Variants in TAS1R2 observed in about 807,000 individuals in gnomAD.
TAS1R2 encodes taste receptor type 1 member 2.
In TAS1R2, 47 loss-of-function variants were observed where a neutral mutation model predicts 49.3. The observed-to-expected ratio is 0.95, with a 90% CI of 0.75 to 1.22. The LOEUF (loss-of-function observed/expected upper bound fraction) is 1.22. Ranked by LOEUF, TAS1R2 falls within the 50% of genes most tolerant of loss-of-function variation. TAS1R2 has a pLI of 0.00. For missense variants in TAS1R2, 1,155 were observed against 1,122.1 expected (o/e 1.03, Z -0.42); for synonymous variants, 479 against 467.9 (o/e 1.02, Z -0.31).
At chr1:18,852,054 G>A (rs114125447) in intron 3 of TAS1R2, among the ~76,000 whole-genome samples, 169 of 152,330 alleles carry the variant, frequency 1.1e-3, no homozygotes, top group African/African-American at 3.9e-3. Flanking sequence ...GAGAATCAAC[G>A]CGAAGCCAGA....
chr1:18,847,192 G>A (rs771785224), intron 4 of TAS1R2, among the ~76,000 whole-genome samples: 2 of 152,120 alleles, frequency 1.3e-5, no homozygotes, highest in Admixed American at 6.6e-5. Context: ...GACTAATATG[G>A]GTGGTGCATC....
At chr1:18,857,260 T>C (rs1331792442) in intron 2 of TAS1R2, 71 bp downstream of exon 2, 7 of 1,507,478 alleles carry the variant, frequency 4.6e-6, no homozygotes, top group Non-Finnish European at 6.3e-6. Flanking sequence ...AGGAAGTGGC[T>C]TCTGAGGCCT....
chr1:18,848,597 C>T (rs974230744), intron 4 of TAS1R2, among the ~76,000 whole-genome samples: 11 of 152,132 alleles, frequency 7.2e-5, no homozygotes, highest in Admixed American at 2.0e-4. Context: ...AGCAGGTGAG[C>T]GAGAGCAGAG....
intron 1 of TAS1R2, 51 bp downstream of exon 1, chr1:18,859,428 G>A: frequency 6.2e-7 from 1 of 1,606,420 alleles, no homozygotes; most frequent in Non-Finnish European, 8.5e-7. Context: ...ACCAGGCCTG[G>A]CCTCCCACCC....
intron 2 of TAS1R2, among the ~76,000 whole-genome samples, chr1:18,857,124 G>A (rs571366199): frequency 2.0e-5 from 3 of 152,212 alleles, no homozygotes; most frequent in Admixed American, 6.5e-5. Flanking sequence ...GTGCCAAGTT[G>A]CACAACCAGA....
Position 18,854,483 on chromosome 1 carries a change from G to A in TAS1R2, c.987C>T (p.Ser329=), listed in dbSNP as rs764147618. 21 of 1,613,986 alleles carry A rather than the reference G, an allele frequency of 1.3e-5. No individual in the cohort carries two copies. Among genetic ancestry groups the A allele is most frequent in the Middle Eastern group, 1.6e-4 (1 of 6,082 alleles). ...ACTCACTGAAGCCCGGGATGGGCAC[G>A]CTCTGGATGGTGATGCCCAGGAAGG... Residue 329 remains serine (S), a synonymous_variant, in exon 3 of 6, where the codon AGC becomes AGT. Coordinates refer to ENST00000375371, the Ensembl canonical transcript of TAS1R2. This position sits in a 1 kb window ranked among gnomAD's most constrained non-coding sequence, Gnocchi z 4.9.
chr1:18,858,043 C>T (rs375711838), intron 1 of TAS1R2, among the ~76,000 whole-genome samples: 33 of 152,050 alleles, frequency 2.2e-4, no homozygotes, highest in African/African-American at 7.7e-4. Flanking sequence ...ATCATCACCA[C>T]CATCATCACC....
At chr1:18,844,452 A>G (rs12408808) in intron 4 of TAS1R2, among the ~76,000 whole-genome samples, 100,717 of 152,106 alleles carry the variant, frequency 0.66, 33,885 homozygotes, top group Non-Finnish European at 0.73. Flanking sequence ...AAACCAGATT[A>G]AAAGGTTGAC....
At chr1:18,841,885 T>C in intron 4 of TAS1R2, 33 bp from the exon 5 acceptor site, 1 of 1,536,934 alleles carries the variant, frequency 6.5e-7, no homozygotes, top group African/African-American at 1.4e-5. Flanking sequence ...CCCTGAGTCC[T>C]CTTTTCCCAC....
chr1:18,856,412 A>T (rs1934137272), intron 2 of TAS1R2, among the ~76,000 whole-genome samples: 1 of 152,100 alleles, frequency 6.6e-6, no homozygotes. Flanking sequence ...TTCCACTGAC[A>T]TGCCAGACAC....
chr1:18,841,927 C>T, intron 4 of TAS1R2, 75 bp from the exon 5 acceptor site: 2 of 1,430,922 alleles, frequency 1.4e-6, no homozygotes, highest in South Asian at 1.5e-5. Flanking sequence ...CTCCAACCAG[C>T]AGGATGTTCA....
chr1:18,858,603 A>T (rs1435236968), intron 1 of TAS1R2: 1 of 152,364 alleles, frequency 6.6e-6, no homozygotes, highest in Non-Finnish European at 1.5e-5. Context: ...TATCATCATC[A>T]TCATCACCAT....
intron 2 of TAS1R2, 39 bp downstream of exon 2, chr1:18,857,292 C>T: frequency 6.3e-7 from 1 of 1,592,622 alleles, no homozygotes; most frequent in Non-Finnish European, 8.6e-7. Context: ...TTCCTCTGCC[C>T]CCCTCCCCAG....
intron 4 of TAS1R2, among the ~76,000 whole-genome samples, chr1:18,842,079 C>T (rs1933841402): frequency 6.6e-6 from 1 of 152,156 alleles, no homozygotes; most frequent in African/African-American, 2.4e-5. Context: ...TTAACAAATG[C>T]CTTTCCTCAA....
At chr1:18,852,250 G>A (rs28488609) in intron 3 of TAS1R2, among the ~76,000 whole-genome samples, 8,580 of 152,286 alleles carry the variant, frequency 0.056, 277 homozygotes, top group South Asian at 0.084. Context: ...AGCAAGGAGG[G>A]TGGGAGGTAG....
At position 18,857,703 on chromosome 1, in the gene TAS1R2, C is replaced by T; in HGVS notation, c.183-72G>A. The T allele has an allele frequency of 2.0e-6, 3 of 1,509,290 alleles. No homozygotes were observed. In the South Asian group the frequency reaches 3.8e-5, roughly 19 times the overall value. 93.5% of individuals were successfully genotyped at this position (1,509,290 alleles called of 1,614,324 possible). ...GAAGGAAGAGATAAGAGAACCAGCC[C>T]ACTCCTCCTTCCTGCCACAGGAAAG... On this transcript the variant is annotated intron_variant, in intron 1 of 5. Coordinates refer to ENST00000375371, the Ensembl canonical transcript of TAS1R2.
In TAS1R2 at chr1:18,854,472, G is replaced by A. The variant is rs147600114; in HGVS notation, c.998C>T (p.Pro333Leu). The change falls in exon 3 of 6, where the codon CCG (proline) becomes CTG (leucine). Residue 333 changes from proline to leucine, a missense_variant. Physicochemically the swap from Pro to Leu is moderately conservative, Grantham distance 98. Coordinates refer to ENST00000375371, the Ensembl canonical transcript of TAS1R2. This position sits in a 1 kb window ranked among gnomAD's most constrained non-coding sequence, Gnocchi z 4.9. ...CCACTCGCGGAACTCACTGAAGCCC[G>A]GGATGGGCACGCTCTGGATGGTGAT... 74 of 1,614,058 alleles carry A rather than the reference G, an allele frequency of 4.6e-5. No individual in the cohort carries two copies. The highest frequency in any genetic ancestry group is 5.7e-5 in the Non-Finnish European group (67 of 1,180,046).
chr1:18,839,668 G>A (rs1179248774), exon 6 of TAS1R2: 1 of 1,614,240 alleles, frequency 6.2e-7, no homozygotes, highest in Admixed American at 1.7e-5. Flanking sequence ...GCTCCGGGTA[G>A]AAGAGGATCA....
exon 2 of TAS1R2, chr1:18,857,530 C>T (rs775035082): frequency 6.2e-7 from 1 of 1,614,200 alleles, no homozygotes; most frequent in East Asian, 2.2e-5. Flanking sequence ...GATCTCATAG[C>T]CCAGCAGCAC....
Sources: gnomAD v4.1 joint callset for allele counts (sites outside exome capture counted in the v4.1 genomes callset) on GRCh38, gnomAD v4.1.1 for gene constraint, Gnocchi (gnomAD v3.1) non-coding constraint, MANE v1.5 for transcripts, NCBI Gene and HGNC (gene_info 2026-07-23, HGNC 2026-07-21) for gene names.